EIF5B: variants seen among roughly 807,000 people sequenced by gnomAD.
The protein encoded by EIF5B is eukaryotic translation initiation factor 5B.
A neutral mutation model predicts 147.5 loss-of-function variants in EIF5B; 47 were observed. The observed-to-expected ratio is 0.32, with a 90% CI of 0.25 to 0.41. The LOEUF (loss-of-function observed/expected upper bound fraction) is 0.41. Ranked by LOEUF, EIF5B falls within the 10% of genes least tolerant of loss-of-function variation. The pLI is 1.00. For synonymous variants in EIF5B, 455 were observed against 456.2 expected, an observed-to-expected ratio of 1.00 and a Z score of 0.03; for missense variants, 1,064 against 1,413.2, an observed-to-expected ratio of 0.75 and a Z score of 3.96.
intron 1 of EIF5B, among the ~76,000 whole-genome samples, chr2:99,354,578 T>A (rs1323504281): frequency 6.6e-6 from 1 of 152,232 alleles, no homozygotes; most frequent in Non-Finnish European, 1.5e-5. Context: ...CTCTTAACTC[T>A]TTGCTTAGTG....
At chr2:99,358,502 A>C (rs1418609087) in intron 1 of EIF5B, among the ~76,000 whole-genome samples, 6 of 152,210 alleles carry the variant, frequency 3.9e-5, no homozygotes, top group Non-Finnish European at 8.8e-5. Context: ...TAGTTACTTC[A>C]TCTGTAAAGG....
At chr2:99,355,539 G>A (rs555756601) in intron 1 of EIF5B, among the ~76,000 whole-genome samples, 3 of 150,814 alleles carry the variant, frequency 2.0e-5, no homozygotes, top group East Asian at 4.2e-4. Flanking sequence ...ACTTTCTTTG[G>A]AATAACTATA....
At chr2:99,377,221 T>G (rs889968754) in intron 10 of EIF5B, among the ~76,000 whole-genome samples, 1 of 152,118 alleles carries the variant, frequency 6.6e-6, no homozygotes, top group African/African-American at 2.4e-5. Context: ...AAAAACTATT[T>G]TAGCTTTCCT....
intron 14 of EIF5B, among the ~76,000 whole-genome samples, chr2:99,385,733 A>G (rs1485303291): frequency 6.6e-6 from 1 of 152,230 alleles, no homozygotes; most frequent in Non-Finnish European, 1.5e-5. Context: ...CCAAACCTGC[A>G]GTATCTCTGA....
chr2:99,370,679 A>G (rs1315144865), intron 8 of EIF5B, among the ~76,000 whole-genome samples: 1 of 152,226 alleles, frequency 6.6e-6, no homozygotes, highest in Non-Finnish European at 1.5e-5. Flanking sequence ...TTAGTAAATA[A>G]TGATTATTTC....
chr2:99,355,241 T>C (rs1279092254), intron 1 of EIF5B, among the ~76,000 whole-genome samples: 1 of 152,222 alleles, frequency 6.6e-6, no homozygotes, highest in Non-Finnish European at 1.5e-5. Context: ...TTTTAGTCTT[T>C]TTTCAAAATT....
intron 3 of EIF5B, 76 bp downstream of exon 3, chr2:99,360,625 C>A: frequency 2.8e-6 from 4 of 1,438,002 alleles, no homozygotes; most frequent in Non-Finnish European, 3.8e-6. Flanking sequence ...TGGGGAGCTA[C>A]ATTTGGAAAC....
At chr2:99,351,864 C>CT (rs1673974876) in intron 1 of EIF5B, among the ~76,000 whole-genome samples, 1 of 151,294 alleles carries the variant, frequency 6.6e-6, no homozygotes, top group Non-Finnish European at 1.5e-5. Context: ...TGCCCAGCTA[C>CT]TTTTTTTGTA....
At chr2:99,349,894 A>C (rs1436215952) in intron 1 of EIF5B, among the ~76,000 whole-genome samples, 5 of 152,208 alleles carry the variant, frequency 3.3e-5, no homozygotes, top group Admixed American at 2.0e-4. Flanking sequence ...GTAGAACACC[A>C]GAACTTATTC....
intron 14 of EIF5B, among the ~76,000 whole-genome samples, chr2:99,384,487 G>A (rs1674758371): frequency 6.6e-6 from 1 of 152,198 alleles, no homozygotes; most frequent in South Asian, 2.1e-4. Context: ...CAACTTTCAA[G>A]TATTGTTACT....
At chr2:99,345,470 T>C (rs537682655) in intron 1 of EIF5B, among the ~76,000 whole-genome samples, 2 of 151,922 alleles carry the variant, frequency 1.3e-5, no homozygotes, top group Admixed American at 6.6e-5. Flanking sequence ...GGTGCATGCC[T>C]ATAATCCCAG....
intron 1 of EIF5B, among the ~76,000 whole-genome samples, chr2:99,359,884 A>G (rs1052847405): frequency 4.6e-5 from 7 of 152,214 alleles, no homozygotes; most frequent in African/African-American, 1.7e-4. Flanking sequence ...TCGTCGAGAA[A>G]TAAGACTTGT....
chr2:99,376,703 A>G, intron 10 of EIF5B, 67 bp downstream of exon 10: 1 of 1,509,376 alleles, frequency 6.6e-7, no homozygotes. Flanking sequence ...ACAGTACTCT[A>G]CAACTAAAGG....
At chr2:99,343,372 ACT>A (rs944910994) in intron 1 of EIF5B, among the ~76,000 whole-genome samples, 2 of 149,870 alleles carry the variant, frequency 1.3e-5, no homozygotes, top group Non-Finnish European at 3.0e-5. Context: ...TGTTTTTTCC[ACT>A]GTCTTTTAAA....
Sources: allele counts gnomAD v4.1 joint callset (sites outside exome capture counted in the v4.1 genomes callset), GRCh38; gene constraint gnomAD v4.1.1; transcripts MANE v1.5; gene names NCBI Gene and HGNC (gene_info 2026-07-23, HGNC 2026-07-21).